PPP2R2D: variants seen among roughly 807,000 people sequenced by gnomAD.
PPP2R2D encodes the protein protein phosphatase 2 regulatory subunit Bdelta.
Under a neutral mutation model 31.1 loss-of-function variants are expected in PPP2R2D, and 9 were observed. The observed-to-expected ratio is 0.29, with a 90% confidence interval of 0.17 to 0.51. The LOEUF is 0.51. PPP2R2D is among the 20% of genes least tolerant of loss of function. The pLI is 0.98. For missense variants in PPP2R2D, 391 were observed against 465.6 expected (o/e 0.84, Z 1.48); for synonymous variants, 179 against 172.6 (o/e 1.04, Z -0.29).
chr10:131,959,338 G>A lies in PPP2R2D; in HGVS notation c.*3375G>A, dbSNP rs55661989. On this transcript the variant is annotated 3_prime_UTR_variant, in exon 9 of 9. Coordinates refer to ENST00000455566, the MANE Select transcript of PPP2R2D (RefSeq NM_018461.5). ...GCCATCCCCCTGTGGAGATGAAGGC[G>A]TGTGCTCATCCCCCATCCCCCTGTG... is the stretch of plus-strand genomic sequence containing the variant. The A allele has an allele frequency of 0.035, 5,178 of 149,848 alleles. 178 individuals are homozygous for A. The highest frequency in any genetic ancestry group is 0.13 in the African/African-American group (4,758 of 35,908). 9.3% of individuals were successfully genotyped at this position (149,848 alleles called of 1,614,324 possible).
intron 8 of PPP2R2D, among the ~76,000 whole-genome samples, chr10:131,953,267 TAGC>T (rs1481151918): frequency 2.7e-5 from 3 of 111,746 alleles, no homozygotes; most frequent in African/African-American, 6.9e-5. Flanking sequence ...GTCCCTGTCT[TAGC>T]AGTGACTTGC....
intron 2 of PPP2R2D, among the ~76,000 whole-genome samples, chr10:131,925,958 C>A (rs1205744984): frequency 6.6e-6 from 1 of 152,180 alleles, no homozygotes; most frequent in Non-Finnish European, 1.5e-5. Context: ...TTAGTCTGAG[C>A]CACTCCATGT....
In PPP2R2D at chr10:131,931,179, C is replaced by T. The variant is rs559728653; in HGVS notation, c.101-3279C>T. Among the ~76,000 whole-genome samples the T allele has an allele frequency of 2.0e-5, 3 of 152,274 alleles. No homozygotes were observed. In the South Asian group the frequency reaches 6.2e-4, roughly 32 times the overall value. ...CCCTGCTTCCTGGGGCTCTTAGAGG[C>T]CTGGCTACGTTAGTACAGGGCTTGT... On this transcript the variant is annotated intron_variant, in intron 2 of 8. Transcript: ENST00000455566.
chr10:131,911,318 G>A (rs2035679156), intron 2 of PPP2R2D, among the ~76,000 whole-genome samples: 1 of 152,228 alleles, frequency 6.6e-6, no homozygotes, highest in Admixed American at 6.5e-5. Context: ...TGTCCTAAGT[G>A]TGCTGTGAGG....
At chr10:131,924,695 CAAA>C (rs34819032) in intron 2 of PPP2R2D, among the ~76,000 whole-genome samples, 4 of 113,286 alleles carry the variant, frequency 3.5e-5, no homozygotes, top group African/African-American at 6.6e-5. Flanking sequence ...GCAATTTTTG[CAAA>C]AAAAAAAAAA....
At chr10:131,924,453 C>G (rs1188381878) in intron 2 of PPP2R2D, among the ~76,000 whole-genome samples, 1 of 152,086 alleles carries the variant, frequency 6.6e-6, no homozygotes, top group African/African-American at 2.4e-5. Flanking sequence ...CATTAATTGT[C>G]CTGGTACACT....
rs1295899964 is a variant in PPP2R2D at position 131,958,698 on chromosome 10, G to A, written c.*2735G>A. ...TGTGCTGATCCCCCGTCCTCCTGTG[G>A]AGATGAAGGTGTGTGCTGCTTCCTC... On this transcript the variant is annotated 3_prime_UTR_variant, in exon 9 of 9. Coordinates refer to ENST00000455566, the MANE Select transcript of PPP2R2D (RefSeq NM_018461.5). The A allele has an allele frequency of 3.8e-6, 1 of 261,388 alleles. No homozygotes were observed. Among genetic ancestry groups the A allele is most frequent in the Non-Finnish European group, 7.4e-6 (1 of 135,306 alleles). The allele number at this position is 261,388 out of a possible 1,614,324, so 16.2% of individuals were successfully genotyped here. A position where few individuals can be genotyped will look rare whatever the true frequency, so the allele number is the denominator to read the frequency against.
intron 2 of PPP2R2D, among the ~76,000 whole-genome samples, chr10:131,908,907 C>T (rs977087541): frequency 7.2e-5 from 11 of 152,178 alleles, no homozygotes; most frequent in African/African-American, 2.7e-4. Flanking sequence ...GACAGCATAC[C>T]AAAGGGCTGC....
At chr10:131,903,466 CAAAAAAAAAAA>C (rs1175160035) in intron 2 of PPP2R2D, among the ~76,000 whole-genome samples, 226 of 74,436 alleles carry the variant, frequency 3.0e-3, no homozygotes, top group African/African-American at 0.01. Flanking sequence ...GGCTCCATCT[CAAAAAAAAAAA>C]AAAAAAAAAA....
the PPP2R2D span, among the ~76,000 whole-genome samples, chr10:131,966,000 TA>T: frequency 6.6e-6 from 1 of 152,254 alleles, no homozygotes; most frequent in Non-Finnish European, 1.5e-5. Flanking sequence ...ACAATCATGT[TA>T]TAATAAATAC....
chr10:131,905,947 T>C (rs1438656293), intron 2 of PPP2R2D, among the ~76,000 whole-genome samples: 1 of 152,158 alleles, frequency 6.6e-6, no homozygotes, highest in Non-Finnish European at 1.5e-5. Flanking sequence ...CAAATGAAAA[T>C]GGAATGCCTT....
chr10:131,941,360 G>A (rs1554897213), intron 5 of PPP2R2D, among the ~76,000 whole-genome samples: 2 of 152,224 alleles, frequency 1.3e-5, no homozygotes, highest in Admixed American at 6.5e-5. Context: ...CACCACTGAT[G>A]TTGTCTTAAA....
chr10:131,901,038 G>GCGGCGGCGGCGGCGGCGGCGGCGGCGC lies in PPP2R2D; in HGVS notation c.-103_-102insGCGGCGGCGGCGGCGGCGCCGGCGGCG, dbSNP rs1554891360. The stretch of plus-strand genomic sequence containing the variant: ...TCCCTCCCCGGCGGCGGCGGCGGCG[G>GCGGCGGCGGCGGCGGCGGCGGCGGCGC]CGGCGGCGCCGGCGGTGGTGGCGGC... On this transcript the variant is annotated 5_prime_UTR_variant, in exon 1 of 9. Transcript: ENST00000455566. The GCGGCGGCGGCGGCGGCGGCGGCGGCGC allele has an allele frequency of 1.3e-5, 2 of 159,038 alleles. No individual in the cohort carries two copies. Among genetic ancestry groups the GCGGCGGCGGCGGCGGCGGCGGCGGCGC allele is most frequent in the Admixed American group, 1.3e-4 (2 of 15,080 alleles). The allele number at this position is 159,038 out of a possible 1,614,324, so 9.9% of individuals were successfully genotyped here.
At chr10:131,905,729 G>A (rs1218967608) in intron 2 of PPP2R2D, among the ~76,000 whole-genome samples, 5 of 152,208 alleles carry the variant, frequency 3.3e-5, no homozygotes, top group Admixed American at 2.6e-4. Flanking sequence ...GTCACAAAGC[G>A]AGTGTATGGC....
intron 2 of PPP2R2D, among the ~76,000 whole-genome samples, chr10:131,907,390 A>G (rs1042497614): frequency 6.6e-6 from 1 of 152,146 alleles, no homozygotes; most frequent in Non-Finnish European, 1.5e-5. Context: ...TTGCAGTTTG[A>G]CTTATGAGAG....
At chr10:131,937,206 G>A (rs2036359618) in intron 3 of PPP2R2D, among the ~76,000 whole-genome samples, 2 of 152,228 alleles carry the variant, frequency 1.3e-5, no homozygotes, top group Admixed American at 1.3e-4. Flanking sequence ...AGCTCTGGCT[G>A]TGCAGAAGAC....
At chr10:131,914,320 A>G (rs1554892782) in intron 2 of PPP2R2D, among the ~76,000 whole-genome samples, 1 of 152,222 alleles carries the variant, frequency 6.6e-6, no homozygotes, top group African/African-American at 2.4e-5. Flanking sequence ...TGATCACACC[A>G]CTGCATTCCA....
At chr10:131,919,193 G>A (rs1343053190) in intron 2 of PPP2R2D, among the ~76,000 whole-genome samples, 1 of 128,056 alleles carries the variant, frequency 7.8e-6, no homozygotes, top group East Asian at 2.9e-4. Context: ...TGCTTGTAGC[G>A]ACCTCAGGCG....
chr10:131,908,058 T>A (rs2035625809), intron 2 of PPP2R2D, among the ~76,000 whole-genome samples: 2 of 152,338 alleles, frequency 1.3e-5, no homozygotes, highest in African/African-American at 4.8e-5. Context: ...TGTTGCAACT[T>A]GAAAAGTGCT....
Sources: gnomAD v4.1 joint callset for allele counts (sites outside exome capture counted in the v4.1 genomes callset) on GRCh38, gnomAD v4.1.1 for gene constraint, MANE v1.5 for transcripts, NCBI Gene and HGNC (gene_info 2026-07-23, HGNC 2026-07-21) for gene names.